TANC2: variants seen among roughly 807,000 people sequenced by gnomAD.
The protein encoded by TANC2 is protein TANC2.
TANC2 carries 26 observed loss-of-function variants against 210.5 expected under a neutral mutation model. The ratio of observed to expected loss-of-function variants is 0.12; its 90% CI spans 0.09 to 0.17. The LOEUF (loss-of-function observed/expected upper bound fraction) is 0.17. Ranked by LOEUF, TANC2 falls within the 10% of genes least tolerant of loss-of-function variation. TANC2 has a pLI of 1.00. For synonymous variants in TANC2, 931 were observed against 967.1 expected (o/e 0.96, Z 0.69); for missense variants, 2,129 against 2,608.9 (o/e 0.82, Z 4.01).
At chr17:63,203,320 C>T (rs1434076110) in intron 7 of TANC2, among the ~76,000 whole-genome samples, 1 of 152,160 alleles carries the variant, frequency 6.6e-6, no homozygotes, top group African/African-American at 2.4e-5. Flanking sequence ...AGGCTACTTA[C>T]AGTCTTTATC....
At chr17:63,367,238 C>G (rs965856194) in intron 14 of TANC2, among the ~76,000 whole-genome samples, 1 of 152,190 alleles carries the variant, frequency 6.6e-6, no homozygotes, top group East Asian at 1.9e-4. Flanking sequence ...GTGCTAACCA[C>G]TAGAGAAACT....
chr17:63,422,060 G>A lies in TANC2; in HGVS notation c.*105G>A. 2.8e-6 allele frequency: 4 copies of A among 1,423,298 alleles called. No homozygotes were observed. The East Asian group carries it at 9.3e-5, about 33-fold the overall frequency. 88.2% of individuals were successfully genotyped at this position (1,423,298 alleles called of 1,614,324 possible). ...TGGCTTAATTTCTCATGTAGTTTCTGTGTGGTGTTCAGAGGTGGCAGCCCA... is the reference window on the plus strand; with the variant it reads ...TGGCTTAATTTCTCATGTAGTTTCTATGTGGTGTTCAGAGGTGGCAGCCCA... On this transcript the variant is annotated 3_prime_UTR_variant, in exon 28 of 28. Transcript: ENST00000689528.
At chr17:63,115,520 T>C (rs2038217718) in intron 4 of TANC2, among the ~76,000 whole-genome samples, 1 of 152,184 alleles carries the variant, frequency 6.6e-6, no homozygotes, top group African/African-American at 2.4e-5. Flanking sequence ...TATCTGTATC[T>C]ACTATAATTC....
chr17:62,991,076 G>C (rs1388121569), intron 1 of TANC2, among the ~76,000 whole-genome samples: 1 of 152,048 alleles, frequency 6.6e-6, no homozygotes, highest in African/African-American at 2.4e-5. Context: ...TGGTATAGTT[G>C]GAATCAGCTT....
At chr17:63,117,702 T>C (rs1459437244) in intron 4 of TANC2, among the ~76,000 whole-genome samples, 1 of 152,168 alleles carries the variant, frequency 6.6e-6, no homozygotes, top group Non-Finnish European at 1.5e-5. Flanking sequence ...ATAAGAAGCC[T>C]TTCAGCTTTT....
intron 2 of TANC2, among the ~76,000 whole-genome samples, chr17:63,033,142 T>C (rs1270882800): frequency 6.6e-6 from 1 of 152,176 alleles, no homozygotes; most frequent in Non-Finnish European, 1.5e-5. Flanking sequence ...TCTCCTGACA[T>C]GAGGTTCACT....
chr17:63,374,032 G>GTTTTTTTTTTTT (rs35801082), intron 14 of TANC2, among the ~76,000 whole-genome samples: 3 of 93,530 alleles, frequency 3.2e-5, no homozygotes, highest in African/African-American at 4.7e-5. Flanking sequence ...GTTGTTGTTG[G>GTTTTTTTTTTTT]TTTTTTTTTT....
At chr17:63,215,804 C>G (rs542307196) in intron 7 of TANC2, among the ~76,000 whole-genome samples, 7 of 151,122 alleles carry the variant, frequency 4.6e-5, no homozygotes, top group Admixed American at 6.6e-5. Flanking sequence ...GGCTGGAGTT[C>G]AGTGGTGTGG....
intron 4 of TANC2, among the ~76,000 whole-genome samples, chr17:63,103,798 A>G (rs2037721811): frequency 6.6e-6 from 1 of 152,240 alleles, no homozygotes; most frequent in African/African-American, 2.4e-5. Context: ...AATAGCAATA[A>G]TAATGACAAT....
At chr17:63,347,858 T>C (rs558165538) in intron 12 of TANC2, among the ~76,000 whole-genome samples, 2 of 152,304 alleles carry the variant, frequency 1.3e-5, no homozygotes, top group Admixed American at 1.3e-4. Context: ...CACTGCAGCC[T>C]TGACCTCTTG....
At chr17:63,165,443 A>G (rs1342895619) in intron 5 of TANC2, among the ~76,000 whole-genome samples, 1 of 152,138 alleles carries the variant, frequency 6.6e-6, no homozygotes, top group Non-Finnish European at 1.5e-5. Context: ...TCCAACAGAA[A>G]AGTTCCATAG....
In TANC2 at chr17:63,405,445, C is replaced by T. The variant is rs1368714891; in HGVS notation, c.3465+190C>T. ...CGACAGTTAACATTCAAAACCATCA[C>T]TTGATACAGATTGTATAGAAGGACT... On this transcript the variant is annotated intron_variant, in intron 20 of 27. Coordinates refer to ENST00000689528, the Ensembl canonical transcript of TANC2. Among the ~76,000 whole-genome samples, 3 of 152,248 alleles carry T rather than the reference C, an allele frequency of 2.0e-5. No homozygotes were observed. In the East Asian group the frequency reaches 5.8e-4, roughly 29 times the overall value.
At chr17:63,095,449 A>T (rs1295142303) in intron 3 of TANC2, among the ~76,000 whole-genome samples, 5 of 152,040 alleles carry the variant, frequency 3.3e-5, no homozygotes, top group Admixed American at 6.6e-5. Flanking sequence ...GGGATTTCAA[A>T]TGTGGGCCAC....
intron 21 of TANC2, among the ~76,000 whole-genome samples, chr17:63,409,389 T>C (rs1424908185): frequency 6.6e-6 from 1 of 152,176 alleles, no homozygotes; most frequent in Non-Finnish European, 1.5e-5. Context: ...TCTCACCATG[T>C]TGCCCAGGCT....
At chr17:63,317,456 AAC>A (rs142087773) in intron 10 of TANC2, among the ~76,000 whole-genome samples, 2 of 151,520 alleles carry the variant, frequency 1.3e-5, no homozygotes, top group African/African-American at 2.4e-5. Flanking sequence ...CCACACCCCC[AAC>A]ACACACACAC....
At chr17:62,984,973 C>T (rs1012069589) in intron 1 of TANC2, among the ~76,000 whole-genome samples, 1 of 152,140 alleles carries the variant, frequency 6.6e-6, no homozygotes, top group African/African-American at 2.4e-5. Context: ...TCCATTTGGT[C>T]TGTGGTGTAG....
chr17:63,387,243 G>C (rs1051477337), intron 15 of TANC2, among the ~76,000 whole-genome samples: 9 of 152,150 alleles, frequency 5.9e-5, no homozygotes, highest in Admixed American at 5.9e-4. Context: ...GCCTGTGTCG[G>C]AAAAGCCTTT....
chr17:63,121,836 A>G (rs1193471675), intron 4 of TANC2, among the ~76,000 whole-genome samples: 1 of 151,996 alleles, frequency 6.6e-6, no homozygotes, highest in Non-Finnish European at 1.5e-5. Context: ...GGTGGCATAC[A>G]TATGCCTGTA....
In TANC2 at chr17:63,051,158, A is replaced by C. The variant is rs573676335; in HGVS notation, c.68-22785A>C. Among the ~76,000 whole-genome samples, 5 of 152,334 alleles carry C rather than the reference A, an allele frequency of 3.3e-5. No homozygotes were observed. The East Asian group carries it at 9.6e-4, about 29-fold the overall frequency. On this transcript the variant is annotated intron_variant, in intron 2 of 27. Coordinates refer to ENST00000689528, the Ensembl canonical transcript of TANC2. ...TAGCATAAAGTTCAAATTGATCATC[A>C]TGAATAATATTTATGCCTTTTGTGA...
Sources: gnomAD v4.1 joint callset for allele counts (sites outside exome capture counted in the v4.1 genomes callset) on GRCh38, gnomAD v4.1.1 for gene constraint, MANE v1.5 for transcripts, NCBI Gene and HGNC (gene_info 2026-07-23, HGNC 2026-07-21) for gene names.